The following KDM4C variants were observed in gnomAD, a reference collection of about 807,000 sequenced individuals.
KDM4C encodes the protein lysine-specific demethylase 4C.
In KDM4C, 81 loss-of-function variants were observed where a neutral mutation model predicts 129.3. The ratio of observed to expected loss-of-function variants is 0.63; its 90% CI spans 0.52 to 0.75. The LOEUF (loss-of-function observed/expected upper bound fraction) is 0.75. Among genes scored for constraint, KDM4C ranks in the 30% least tolerant of loss-of-function variants. KDM4C has a pLI of 0.00. For missense variants in KDM4C, 1,457 were observed against 1,304.0 expected (o/e 1.12, Z -1.81); for synonymous variants, 573 against 456.1 (o/e 1.26, Z -3.26).
intron 1 of KDM4C, among the ~76,000 whole-genome samples, chr9:6,772,367 C>CTTT (rs35857346): frequency 8.2e-6 from 1 of 121,938 alleles, no homozygotes; most frequent in Non-Finnish European, 1.8e-5. Context: ...CAGACTGGTC[C>CTTT]TTTTTTTTTT....
chr9:6,925,910 C>T (rs1003363980), intron 8 of KDM4C, among the ~76,000 whole-genome samples: 1 of 152,060 alleles, frequency 6.6e-6, no homozygotes, highest in South Asian at 2.1e-4. Context: ...TATCTTGAGC[C>T]GCAGCTTAGC....
At chr9:7,052,899 G>GAGAGAGAGAGAGAC (rs1564049753) in intron 17 of KDM4C, among the ~76,000 whole-genome samples, 17 of 10,004 alleles carry the variant, frequency 1.7e-3, no homozygotes, top group African/African-American at 7.8e-3. Context: ...GAGAGAGAGA[G>GAGAGAGAGAGAGAC]AGCGAGCGAG....
intron 4 of KDM4C, among the ~76,000 whole-genome samples, chr9:6,827,363 T>G (rs1407132364): frequency 7.9e-5 from 12 of 152,242 alleles, no homozygotes; most frequent in Admixed American, 7.8e-4. Context: ...TAGTGAATTT[T>G]TGTCAGTTCC....
chr9:6,990,547 GAT>G (rs1491153320), intron 12 of KDM4C, 23 bp downstream of exon 12: 5 of 1,254,190 alleles, frequency 4.0e-6, no homozygotes, highest in Admixed American at 3.3e-5. Flanking sequence ...CCCTTTTTGG[GAT>G]TTTTTTTTTT....
At chr9:7,018,656 C>T (rs1824120888) in intron 15 of KDM4C, among the ~76,000 whole-genome samples, 1 of 152,234 alleles carries the variant, frequency 6.6e-6, no homozygotes, top group Non-Finnish European at 1.5e-5. Context: ...TGTGCTCACA[C>T]ACTGAGCAGT....
intron 18 of KDM4C, among the ~76,000 whole-genome samples, chr9:7,118,752 A>G (rs564255530): frequency 1.3e-5 from 2 of 152,280 alleles, no homozygotes; most frequent in East Asian, 3.9e-4. Context: ...TTCTACATAC[A>G]TTATTGCATT....
intron 8 of KDM4C, among the ~76,000 whole-genome samples, chr9:6,936,184 A>T (rs776331290): frequency 3.3e-5 from 5 of 152,132 alleles, no homozygotes; most frequent in Admixed American, 2.6e-4. Context: ...ATAAAAAAAG[A>T]TATCTTGTGA....
chr9:7,054,240 G>A (rs934960222), intron 17 of KDM4C, among the ~76,000 whole-genome samples: 10 of 152,188 alleles, frequency 6.6e-5, no homozygotes, highest in African/African-American at 2.4e-4. Flanking sequence ...ACAGGTGATT[G>A]GTGTGCCTGA....
Position 6,831,360 on chromosome 9 carries a change from C to G in KDM4C, c.435+16615C>G, listed in dbSNP as rs7870799. On this transcript the variant is annotated intron_variant, in intron 4 of 21. Coordinates refer to ENST00000381309, the MANE Select transcript of KDM4C (RefSeq NM_015061.6). ...TCTTCTGCTTTCTTTATGATGAGATCTTTTTTATTTTTATTTATTTTTTTT... is the reference window on the plus strand; with the variant it reads ...TCTTCTGCTTTCTTTATGATGAGATGTTTTTTATTTTTATTTATTTTTTTT... Among the ~76,000 whole-genome samples, 566 of 134,650 alleles carry G rather than the reference C, an allele frequency of 4.2e-3. 2 individuals are homozygous for G. Among genetic ancestry groups the G allele is most frequent in the African/African-American group, 0.017 (546 of 32,082 alleles). 88.3% of individuals were successfully genotyped at this position (134,650 alleles called of 152,430 possible). A position where few individuals can be genotyped will look rare whatever the true frequency, so the allele number is the denominator to read the frequency against.
chr9:6,975,927 A>G (rs897713532), intron 8 of KDM4C, among the ~76,000 whole-genome samples: 5 of 152,182 alleles, frequency 3.3e-5, no homozygotes, highest in African/African-American at 1.2e-4. Flanking sequence ...GATCCCAGCT[A>G]CTCGGGAGGC....
chr9:6,911,766 C>T (rs901906753), intron 8 of KDM4C, among the ~76,000 whole-genome samples: 8 of 152,128 alleles, frequency 5.3e-5, no homozygotes, highest in Admixed American at 3.3e-4. Context: ...TGTTTGTGAA[C>T]GTGTGTGACC....
chr9:7,050,338 G>C (rs1829966423), intron 17 of KDM4C, among the ~76,000 whole-genome samples: 1 of 148,652 alleles, frequency 6.7e-6, no homozygotes, highest in African/African-American at 2.5e-5. Context: ...CATTTAAATG[G>C]CCCTCTAAAG....
intron 8 of KDM4C, among the ~76,000 whole-genome samples, chr9:6,971,087 G>C (rs1446615680): frequency 6.6e-6 from 1 of 152,122 alleles, no homozygotes; most frequent in Non-Finnish European, 1.5e-5. Context: ...TGTGCCAGTG[G>C]ATGGATTGTA....
chr9:6,798,350 C>T (rs1195466549), intron 2 of KDM4C, among the ~76,000 whole-genome samples: 1 of 151,534 alleles, frequency 6.6e-6, no homozygotes, highest in Non-Finnish European at 1.5e-5. Flanking sequence ...GAGGGAAGGT[C>T]AGCAGATAAA....
intron 4 of KDM4C, chr9:6,819,099 A>G (rs1159016074): frequency 6.6e-6 from 1 of 152,192 alleles, no homozygotes; most frequent in African/African-American, 2.4e-5. Flanking sequence ...CTTTTAAGAT[A>G]ATTAACCTTT....
chr9:6,790,395 C>T (rs1826319441), intron 1 of KDM4C, among the ~76,000 whole-genome samples: 1 of 151,550 alleles, frequency 6.6e-6, no homozygotes, highest in South Asian at 2.1e-4. Context: ...CAGGTGCCTG[C>T]CACCACACCT....
chr9:6,765,041 G>T (rs1160470227), intron 1 of KDM4C, among the ~76,000 whole-genome samples: 1 of 152,032 alleles, frequency 6.6e-6, no homozygotes, highest in South Asian at 2.1e-4. Context: ...GGATCAATCC[G>T]CTTGTCTCCA....
At position 7,107,295 on chromosome 9, in the gene KDM4C, A is replaced by G. The variant is rs1837801101; in HGVS notation, c.2610+3425A>G. ...GTTTGTAAGGAAAAGACAACACAAT[A>G]AATAGTAGTTATGAAACTGGAAGTC... On this transcript the variant is annotated intron_variant, in intron 18 of 21. Transcript: ENST00000381309. 2.6e-5 allele frequency among the ~76,000 whole-genome samples: 4 copies of G among 152,248 alleles called. No homozygotes were observed. The South Asian group carries it at 8.3e-4, about 32-fold the overall frequency.
chr9:7,052,213 T>A (rs1830245034), intron 17 of KDM4C, among the ~76,000 whole-genome samples: 1 of 152,230 alleles, frequency 6.6e-6, no homozygotes, highest in South Asian at 2.1e-4. Flanking sequence ...TGGTAACATG[T>A]GCATATCAGC....
Sources: allele counts gnomAD v4.1 joint callset (sites outside exome capture counted in the v4.1 genomes callset), GRCh38; gene constraint gnomAD v4.1.1; transcripts MANE v1.5; gene names NCBI Gene and HGNC (gene_info 2026-07-23, HGNC 2026-07-21).